SLC9A9: variants seen among roughly 807,000 people sequenced by gnomAD.
The protein encoded by SLC9A9 is sodium/hydrogen exchanger 9.
A neutral mutation model predicts 77.8 loss-of-function variants in SLC9A9; 62 were observed. The observed-to-expected ratio is 0.80, with a 90% confidence interval of 0.65 to 0.98. The LOEUF is 0.98. SLC9A9 is among the 50% of genes least tolerant of loss of function. The probability of loss-of-function intolerance (pLI) is 0.00; values close to 1 mark genes in which losing one functional copy is unlikely to be tolerated. For missense variants in SLC9A9, 775 were observed against 774.9 expected (o/e 1.00, Z 0.00); for synonymous variants, 320 against 283.5 (o/e 1.13, Z -1.29).
chr3:143,604,443 T>C (rs927111540), intron 6 of SLC9A9, among the ~76,000 whole-genome samples: 7 of 152,316 alleles, frequency 4.6e-5, no homozygotes, highest in South Asian at 4.1e-4. Context: ...ACAGTCTTCA[T>C]AGAGTAAATG....
chr3:143,828,582 C>CAG (rs886605919), intron 2 of SLC9A9, among the ~76,000 whole-genome samples: 28 of 149,888 alleles, frequency 1.9e-4, no homozygotes, highest in East Asian at 5.9e-4. Flanking sequence ...CACACACACA[C>CAG]AGAGAGAGAG....
At position 143,557,511 on chromosome 3, in the gene SLC9A9, G is replaced by C. The variant is rs145685869; in HGVS notation, c.1001-5061C>G. On this transcript the variant is annotated intron_variant, in intron 8 of 15. Coordinates refer to ENST00000316549, the MANE Select transcript of SLC9A9 (RefSeq NM_173653.4). ...ATGTGGGAAAGTTCAGAACTTCCTA[G>C]AGACTTCAGGGACTCAGAAGACAGG... Among the ~76,000 whole-genome samples the C allele has an allele frequency of 3.1e-3, 473 of 152,312 alleles. 2 individuals are homozygous for C. The highest frequency in any genetic ancestry group is 9.7e-3 in the African/African-American group (403 of 41,568).
chr3:143,727,556 T>G (rs567278292), intron 4 of SLC9A9, among the ~76,000 whole-genome samples: 1 of 152,120 alleles, frequency 6.6e-6, no homozygotes, highest in South Asian at 2.1e-4. Context: ...TTACTATGAT[T>G]AGATTACTCT....
At chr3:143,365,470 T>C (rs576566304) in intron 13 of SLC9A9, among the ~76,000 whole-genome samples, 1 of 152,214 alleles carries the variant, frequency 6.6e-6, no homozygotes, top group African/African-American at 2.4e-5. Context: ...CTTTCATTTA[T>C]AAATGAGCAT....
In SLC9A9 at chr3:143,764,941, T is replaced by C. The variant is rs187354659; in HGVS notation, c.533+30060A>G. Reference sequence around the variant, plus strand: ...AATTAAACCAGGAAACATTTTTCTTTCTTCCTTCCTTCCTTTTTGTTTCTC... The same window carrying C: ...AATTAAACCAGGAAACATTTTTCTTCCTTCCTTCCTTCCTTTTTGTTTCTC... On this transcript the variant is annotated intron_variant, in intron 4 of 15. Transcript: ENST00000316549. Among the ~76,000 whole-genome samples, 597 of 151,906 alleles carry C rather than the reference T, an allele frequency of 3.9e-3. 4 individuals carry two copies. Among genetic ancestry groups the C allele is most frequent in the Middle Eastern group, 0.014 (4 of 294 alleles).
chr3:143,815,542 A>ATTTT (rs71912841), intron 2 of SLC9A9, among the ~76,000 whole-genome samples: 2 of 129,358 alleles, frequency 1.5e-5, no homozygotes, highest in Admixed American at 7.3e-5. Flanking sequence ...GCTTTTTGCT[A>ATTTT]TTTTAAAAAA....
intron 9 of SLC9A9, among the ~76,000 whole-genome samples, chr3:143,546,098 C>T (rs1300383129): frequency 6.6e-6 from 1 of 152,180 alleles, no homozygotes; most frequent in African/African-American, 2.4e-5. Flanking sequence ...GGGGGCAAGA[C>T]CCAGTTTTCT....
At chr3:143,656,536 A>G (rs2038891735) in intron 5 of SLC9A9, among the ~76,000 whole-genome samples, 1 of 152,154 alleles carries the variant, frequency 6.6e-6, no homozygotes, top group South Asian at 2.1e-4. Flanking sequence ...CCTTCCCTAG[A>G]ATCTCCATTA....
At chr3:143,461,616 A>T (rs2035193664) in intron 12 of SLC9A9, among the ~76,000 whole-genome samples, 1 of 152,186 alleles carries the variant, frequency 6.6e-6, no homozygotes, top group Non-Finnish European at 1.5e-5. Context: ...AAGACATTAA[A>T]TTTATTGCTC....
In SLC9A9 at chr3:143,652,293, C is replaced by G; in HGVS notation, c.717G>C (p.Glu239Asp). The change falls in exon 6 of 16, where the codon GAG (glutamate) becomes GAC (aspartate). Residue 239 changes from glutamate (E) to aspartate (D), a missense_variant. Coordinates refer to ENST00000316549, the MANE Select transcript of SLC9A9 (RefSeq NM_173653.4). ...DPDLYTLLFGESVLNDAVAIV... is the reference protein window; with the variant it reads ...DPDLYTLLFGDSVLNDAVAIV... ...TGGCCACTGCATCATTCAACACACT[C>G]TCTCCAAACAAGAGTGTGTACAGGT... is the stretch of plus-strand genomic sequence containing the variant. 1.2e-6 allele frequency: 2 copies of G among 1,613,456 alleles called. No homozygotes were observed. The highest frequency in any genetic ancestry group is 1.7e-6 in the Non-Finnish European group (2 of 1,179,722).
chr3:143,631,942 T>C (rs2038433504), intron 6 of SLC9A9, among the ~76,000 whole-genome samples: 1 of 152,186 alleles, frequency 6.6e-6, no homozygotes, highest in African/African-American at 2.4e-5. Context: ...CCAGAACCAG[T>C]GACTTGAAGA....
At chr3:143,697,252 A>G (rs1933667599) in intron 4 of SLC9A9, among the ~76,000 whole-genome samples, 1 of 152,136 alleles carries the variant, frequency 6.6e-6, no homozygotes, top group Non-Finnish European at 1.5e-5. Flanking sequence ...ATCTAATTTT[A>G]TAAAATTGAG....
chr3:143,648,798 A>G (rs2038747676), intron 6 of SLC9A9, among the ~76,000 whole-genome samples: 1 of 152,192 alleles, frequency 6.6e-6, no homozygotes, highest in African/African-American at 2.4e-5. Context: ...AAACTGCATC[A>G]GAATCTATGA....
At chr3:143,416,184 G>A (rs971079647) in intron 12 of SLC9A9, among the ~76,000 whole-genome samples, 1 of 152,166 alleles carries the variant, frequency 6.6e-6, no homozygotes, top group Admixed American at 6.5e-5. Context: ...GTTTTGCTGA[G>A]AAGGATCTAC....
chr3:143,618,983 T>A (rs1331953809), intron 6 of SLC9A9, among the ~76,000 whole-genome samples: 1 of 152,152 alleles, frequency 6.6e-6, no homozygotes, highest in Non-Finnish European at 1.5e-5. Context: ...AAAATTGGGA[T>A]AGCTTCCACA....
At chr3:143,554,559 G>A (rs1405991151) in intron 8 of SLC9A9, among the ~76,000 whole-genome samples, 1 of 152,050 alleles carries the variant, frequency 6.6e-6, no homozygotes, top group African/African-American at 2.4e-5. Context: ...CTTCCTAACT[G>A]GCCTCCCTGC....
chr3:143,500,153 A>G (rs1459358719), intron 9 of SLC9A9, among the ~76,000 whole-genome samples: 1 of 152,160 alleles, frequency 6.6e-6, no homozygotes, highest in Non-Finnish European at 1.5e-5. Context: ...AGATACAAAT[A>G]TTTAATAAAT....
At chr3:143,615,678 T>C (rs371769700) in intron 6 of SLC9A9, among the ~76,000 whole-genome samples, 5 of 152,258 alleles carry the variant, frequency 3.3e-5, no homozygotes, top group African/African-American at 1.2e-4. Context: ...GCAAGTATCA[T>C]TTGATGCGTT....
intron 6 of SLC9A9, among the ~76,000 whole-genome samples, chr3:143,649,050 G>C (rs1238776356): frequency 6.6e-6 from 1 of 152,136 alleles, no homozygotes; most frequent in Non-Finnish European, 1.5e-5. Context: ...GTTTAGGTTG[G>C]TTTCCTGTCA....
Sources: gnomAD v4.1 joint callset for allele counts (sites outside exome capture counted in the v4.1 genomes callset) on GRCh38, gnomAD v4.1.1 for gene constraint, MANE v1.5 for transcripts, NCBI Gene and HGNC (gene_info 2026-07-23, HGNC 2026-07-21) for gene names.